Variants in B4GALT6 observed in about 807,000 individuals in gnomAD.
B4GALT6 encodes UDP-Gal:beta-GlcNAc beta-1,4-galactosyltransferase 6.
In B4GALT6, 14 loss-of-function variants were observed where a neutral mutation model predicts 46.3. That is an observed-to-expected ratio of 0.30 (90% CI 0.20 to 0.47). B4GALT6 has a LOEUF of 0.47. Among genes scored for constraint, B4GALT6 ranks in the 20% least tolerant of loss-of-function variants. The probability of loss-of-function intolerance (pLI) is 0.99; values close to 1 mark genes in which losing one functional copy is unlikely to be tolerated. For missense variants in B4GALT6, 386 were observed against 480.1 expected (o/e 0.80, Z 1.83); for synonymous variants, 168 against 162.0 (o/e 1.04, Z -0.28).
At chr18:31,699,905 A>G in the B4GALT6 span, among the ~76,000 whole-genome samples, 2 of 152,222 alleles carry the variant, frequency 1.3e-5, no homozygotes, top group Non-Finnish European at 2.9e-5. Flanking sequence ...GGAATTGTTT[A>G]AAGCTGATTA....
At chr18:31,722,045 G>A in the B4GALT6 span, among the ~76,000 whole-genome samples, 1 of 152,094 alleles carries the variant, frequency 6.6e-6, no homozygotes, top group Non-Finnish European at 1.5e-5. Flanking sequence ...TCATGCATAA[G>A]TGAAATTATG....
chr18:31,670,664 T>C (rs775956549), intron 1 of B4GALT6, among the ~76,000 whole-genome samples: 28 of 152,304 alleles, frequency 1.8e-4, no homozygotes, highest in Non-Finnish European at 3.2e-4. Flanking sequence ...TAAACCAGCA[T>C]GAGAATGGTT....
At chr18:31,630,923 T>A (rs368857613) in intron 6 of B4GALT6, 36 bp downstream of exon 6, 17 of 1,601,636 alleles carry the variant, frequency 1.1e-5, no homozygotes, top group Non-Finnish European at 1.4e-5. Flanking sequence ...TGTGCAATTA[T>A]ATCGTACAAT....
chr18:31,634,487 G>A (rs893867249), intron 5 of B4GALT6, among the ~76,000 whole-genome samples: 3 of 152,172 alleles, frequency 2.0e-5, no homozygotes, highest in Admixed American at 2.0e-4. Context: ...ACAAGCATGT[G>A]GGTTTGCACA....
rs187878248 is a variant in B4GALT6, at chr18:31,653,432, T to A, written c.346+4544A>T. 3.9e-3 allele frequency among the ~76,000 whole-genome samples: 566 copies of A among 143,574 alleles called. 2 individuals carry two copies. Among genetic ancestry groups the A allele is most frequent in the Middle Eastern group, 0.014 (4 of 288 alleles). 94.2% of individuals were successfully genotyped at this position (143,574 alleles called of 152,430 possible). A position where few individuals can be genotyped will look rare whatever the true frequency, so the allele number is the denominator to read the frequency against. Reference sequence around the variant, plus strand: ...CCCTTTTGTCACATTCATAACCTTTTTTCTTTTTTTTTTTTTTTTTTTTTT... The same window carrying A: ...CCCTTTTGTCACATTCATAACCTTTATTCTTTTTTTTTTTTTTTTTTTTTT... On this transcript the variant is annotated intron_variant, in intron 3 of 8. Transcript: ENST00000306851.
chr18:31,679,892 C>T (rs1479686090), intron 1 of B4GALT6, among the ~76,000 whole-genome samples: 4 of 152,218 alleles, frequency 2.6e-5, no homozygotes, highest in African/African-American at 7.2e-5. Context: ...CCCATCCATT[C>T]AACTCTGCCC....
chr18:31,684,390 G>A lies in B4GALT6; in HGVS notation c.37C>T (p.Arg13Cys). The A allele has an allele frequency of 1.9e-6, 3 of 1,613,662 alleles. No homozygotes were observed. The highest frequency in any genetic ancestry group is 2.5e-6 in the Non-Finnish European group (3 of 1,179,846). The change falls in exon 1 of 9, where the codon CGC becomes TGC. Residue 13 changes from arginine to cysteine, a missense_variant. Physicochemically the swap from Arg to Cys is radical, Grantham distance 180. Around this residue, in one of 2 missense-constraint regions of B4GALT6, gnomAD observed 63 missense variants for 41.3 expected, o/e 1.53. Transcript: ENST00000306851. Reference sequence around the variant, plus strand: ...AAGAAGATGAAGGCGAGGAGAGAGCGATTGGAAACCCGCATCATCCGCCTG... The same window carrying A: ...AAGAAGATGAAGGCGAGGAGAGAGCAATTGGAAACCCGCATCATCCGCCTG... ...VLRRMMRVSN[R>C]SLLAFIFFFS...
At position 31,625,588 on chromosome 18, in the gene B4GALT6, C is replaced by A. The variant is rs986954587; in HGVS notation, c.*26G>T. 2 of 1,612,740 alleles carry A rather than the reference C, an allele frequency of 1.2e-6. No homozygotes were observed. The highest frequency in any genetic ancestry group is 8.5e-7 in the Non-Finnish European group (1 of 1,179,616). On this transcript the variant is annotated 3_prime_UTR_variant, in exon 9 of 9. Coordinates refer to ENST00000306851, the MANE Select transcript of B4GALT6 (RefSeq NM_004775.5). ...CAAGTTTATGATCCAGCATTGTGGT[C>A]TACCTTGCCACGACAGCCACTTCTT...
chr18:31,645,852 A>C (rs1176813312), intron 3 of B4GALT6, among the ~76,000 whole-genome samples: 3 of 152,230 alleles, frequency 2.0e-5, no homozygotes, highest in African/African-American at 4.8e-5. Context: ...TAACATTTTC[A>C]ACACAGGGGA....
the B4GALT6 span, among the ~76,000 whole-genome samples, chr18:31,707,974 C>G: frequency 2.6e-5 from 4 of 152,006 alleles, no homozygotes; most frequent in East Asian, 5.8e-4. Flanking sequence ...GGACATTTAC[C>G]AGTGTCAATT....
In B4GALT6 at chr18:31,671,520, T is replaced by C. The variant is rs185191621; in HGVS notation, c.116-5148A>G. 9.2e-4 allele frequency among the ~76,000 whole-genome samples: 140 copies of C among 152,358 alleles called. 1 individual carries two copies. The highest frequency in any genetic ancestry group is 1.1e-3 in the Non-Finnish European group (78 of 68,034). Reference sequence around the variant, plus strand: ...CAGTGATGATGAGCATTTTTTCATATGTCTGTTGGCTGCATAAATATCTTC... The same window carrying C: ...CAGTGATGATGAGCATTTTTTCATACGTCTGTTGGCTGCATAAATATCTTC... On this transcript the variant is annotated intron_variant, in intron 1 of 8. Coordinates refer to ENST00000306851, the MANE Select transcript of B4GALT6 (RefSeq NM_004775.5).
chr18:31,694,336 A>G, the B4GALT6 span, among the ~76,000 whole-genome samples: 9 of 152,224 alleles, frequency 5.9e-5, no homozygotes, highest in Non-Finnish European at 1.3e-4. Context: ...AGATCAGTAC[A>G]TATAAAAAAG....
chr18:31,666,415 C>T lies in B4GALT6; in HGVS notation c.116-43G>A, dbSNP rs527795761. On this transcript the variant is annotated intron_variant, in intron 1 of 8. Transcript: ENST00000306851. ...AGAAAGAATGTCATAACACAGTAAG[C>T]TTTTTTTTATTTAATAAAATAATAT... The T allele has an allele frequency of 5.4e-5, 51 of 937,990 alleles. No homozygotes were observed. In the African/African-American group the frequency reaches 6.6e-4, roughly 12 times the overall value. The allele number at this position is 937,990 out of a possible 1,614,324, so 58.1% of individuals were successfully genotyped here.
At chr18:31,662,840 C>CAA (rs1298796329) in intron 2 of B4GALT6, among the ~76,000 whole-genome samples, 56 of 144,954 alleles carry the variant, frequency 3.9e-4, no homozygotes, top group African/African-American at 1.4e-3. Context: ...GACTCTGTCT[C>CAA]AAAAAAAAAC....
the B4GALT6 span, among the ~76,000 whole-genome samples, chr18:31,705,447 G>A: frequency 6.6e-6 from 1 of 152,282 alleles, no homozygotes; most frequent in Non-Finnish European, 1.5e-5. Context: ...GGAGTGCAAT[G>A]GTGTAATCTC....
chr18:31,685,304 CG>C (rs149497573), upstream of B4GALT6, among the ~76,000 whole-genome samples: 67,998 of 151,134 alleles, frequency 0.45, 17,918 homozygotes, highest in South Asian at 0.67. Flanking sequence ...ACGCGCGCTG[CG>C]GGCAGAGCCG....
the B4GALT6 span, chr18:31,724,333 G>A: frequency 1.5e-6 from 1 of 688,274 alleles, no homozygotes. Context: ...ACTAGTCCAG[G>A]CGGCTTAGCC....
At chr18:31,632,604 T>C (rs918634032) in intron 5 of B4GALT6, among the ~76,000 whole-genome samples, 2 of 152,218 alleles carry the variant, frequency 1.3e-5, no homozygotes, top group Non-Finnish European at 2.9e-5. Context: ...ATCATGGTAG[T>C]GGAGGAGTTA....
chr18:31,713,421 C>A, the B4GALT6 span, among the ~76,000 whole-genome samples: 1 of 152,142 alleles, frequency 6.6e-6, no homozygotes, highest in East Asian at 1.9e-4. Flanking sequence ...AGTTTATACA[C>A]CTCATTTCAT....
Sources: gnomAD v4.1 joint callset for allele counts (sites outside exome capture counted in the v4.1 genomes callset) on GRCh38, gnomAD v4.1.1 for gene constraint, gnomAD v4.1.1 regional missense constraint, MANE v1.5 for transcripts, NCBI Gene and HGNC (gene_info 2026-07-23, HGNC 2026-07-21) for gene names.